Variants in UBASH3B observed in about 807,000 individuals in gnomAD.
UBASH3B encodes the protein ubiquitin associated and SH3 domain containing B.
In UBASH3B, 37 loss-of-function variants were observed where a neutral mutation model predicts 83.4. That is an observed-to-expected ratio of 0.44 (90% confidence interval 0.34 to 0.58). UBASH3B has a LOEUF of 0.58. Ranked by LOEUF, UBASH3B falls within the 20% of genes least tolerant of loss-of-function variation. UBASH3B has a pLI of 0.01. For missense variants in UBASH3B, 657 were observed against 827.2 expected (o/e 0.79, Z 2.52); for synonymous variants, 304 against 318.3 (o/e 0.96, Z 0.48).
intron 1 of UBASH3B, among the ~76,000 whole-genome samples, chr11:122,669,674 C>T (rs1022470891): frequency 1.1e-4 from 17 of 152,210 alleles, no homozygotes; most frequent in African/African-American, 3.4e-4. Flanking sequence ...CATAGCTAAC[C>T]TTCACTGGGT....
intron 5 of UBASH3B, among the ~76,000 whole-genome samples, chr11:122,787,397 G>A (rs191480040): frequency 6.6e-6 from 1 of 152,178 alleles, no homozygotes; most frequent in African/African-American, 2.4e-5. Context: ...AGATGCTGAA[G>A]TCAGAATTAG....
intron 1 of UBASH3B, among the ~76,000 whole-genome samples, chr11:122,667,275 G>A (rs1863532592): frequency 6.6e-6 from 1 of 151,848 alleles, no homozygotes; most frequent in Non-Finnish European, 1.5e-5. Flanking sequence ...TCAAACTCCT[G>A]ACCTCAGGTG....
chr11:122,657,358 C>A (rs1164241450), intron 1 of UBASH3B, among the ~76,000 whole-genome samples: 1 of 151,998 alleles, frequency 6.6e-6, no homozygotes, highest in Non-Finnish European at 1.5e-5. Flanking sequence ...TGCAGTGGCG[C>A]AATCTCTGTA....
rs571833671 is a variant in UBASH3B, at chr11:122,711,407, A to G, written c.161+55197A>G. Among the ~76,000 whole-genome samples the G allele has an allele frequency of 4.6e-5, 7 of 152,350 alleles. No individual in the cohort carries two copies. The East Asian group carries it at 1.4e-3, about 29-fold the overall frequency. On this transcript the variant is annotated intron_variant, in intron 1 of 13. Coordinates refer to ENST00000284273, the MANE Select transcript of UBASH3B (RefSeq NM_032873.5). Reference sequence around the variant, plus strand: ...ACGTGGGTCCCATCACAAGTCATCAATAACAAGATGGTCACCCCTGAGTCC... The same window carrying G: ...ACGTGGGTCCCATCACAAGTCATCAGTAACAAGATGGTCACCCCTGAGTCC...
rs190631143 is a variant in UBASH3B at position 122,751,280 on chromosome 11, C to T, written c.162-24939C>T. Reference sequence around the variant, plus strand: ...CCCTAAAATGTGAAATTCCAATTCTCTTGCACTGAGGAGTGTCTTCCCAGA... The same window carrying T: ...CCCTAAAATGTGAAATTCCAATTCTTTTGCACTGAGGAGTGTCTTCCCAGA... On this transcript the variant is annotated intron_variant, in intron 1 of 13. Transcript: ENST00000284273. Among the ~76,000 whole-genome samples, 7 of 152,328 alleles carry T rather than the reference C, an allele frequency of 4.6e-5. 1 individual carries two copies. Among genetic ancestry groups the T allele is most frequent in the Admixed American group, 3.3e-4 (5 of 15,306 alleles).
At position 122,655,923 on chromosome 11, in the gene UBASH3B, C is replaced by T. The variant is rs1052627478; in HGVS notation, c.-127C>T. 56 of 1,071,498 alleles carry T rather than the reference C, an allele frequency of 5.2e-5. No homozygotes were observed. The highest frequency in any genetic ancestry group is 8.4e-5 in the African/African-American group (5 of 59,806). 66.4% of individuals were successfully genotyped at this position (1,071,498 alleles called of 1,614,324 possible). On this transcript the variant is annotated 5_prime_UTR_variant, in exon 1 of 14. Transcript: ENST00000284273. ...ACTGGGGAAGCTCGGAGCGCCGCCT[C>T]CGCTGCCGCCGCCTCCTGCCTGGCT... is the stretch of plus-strand genomic sequence containing the variant.
intron 1 of UBASH3B, among the ~76,000 whole-genome samples, chr11:122,705,365 G>C (rs989689267): frequency 6.6e-6 from 1 of 151,190 alleles, no homozygotes; most frequent in African/African-American, 2.4e-5. Context: ...AGAATCGCTT[G>C]AACCTGGGAG....
At chr11:122,657,644 A>C (rs12421055) in intron 1 of UBASH3B, among the ~76,000 whole-genome samples, 32,026 of 152,074 alleles carry the variant, frequency 0.21, 3,714 homozygotes, top group Non-Finnish European at 0.26. Context: ...GTAATCTGTT[A>C]ATCAAAGTAG....
chr11:122,681,133 T>C (rs1863732996), intron 1 of UBASH3B, among the ~76,000 whole-genome samples: 1 of 152,260 alleles, frequency 6.6e-6, no homozygotes, highest in Non-Finnish European at 1.5e-5. Context: ...TGTTGAAACC[T>C]TGCTCTTTCA....
Position 122,806,296 on chromosome 11 carries a change from C to A in UBASH3B, c.1596-114C>A. 1 of 885,454 alleles carries A rather than the reference C, an allele frequency of 1.1e-6. No individual in the cohort carries two copies. The allele number at this position is 885,454 out of a possible 1,614,324, so 54.8% of individuals were successfully genotyped here. On this transcript the variant is annotated intron_variant, in intron 11 of 13. Transcript: ENST00000284273. The surrounding 1 kb of genome is among the most constrained non-coding windows in gnomAD (Gnocchi z 4.0). ...TCTCCTTTCTAGGGAAATGGATAAA[C>A]AAACAGATCTACGGGATCTTTAGAA...
intron 9 of UBASH3B, among the ~76,000 whole-genome samples, chr11:122,798,614 G>T (rs1440990154): frequency 6.6e-6 from 1 of 151,762 alleles, no homozygotes; most frequent in Non-Finnish European, 1.5e-5. Flanking sequence ...GGGAGGCTGA[G>T]GCAGGAGAAT....
intron 1 of UBASH3B, among the ~76,000 whole-genome samples, chr11:122,761,403 C>T (rs776393296): frequency 3.3e-5 from 5 of 152,170 alleles, no homozygotes; most frequent in African/African-American, 4.8e-5. Flanking sequence ...GCCAGGAGGT[C>T]GAGGCTGCAG....
At chr11:122,684,444 AGAG>A (rs1302148637) in intron 1 of UBASH3B, among the ~76,000 whole-genome samples, 1 of 152,234 alleles carries the variant, frequency 6.6e-6, no homozygotes, top group Non-Finnish European at 1.5e-5. Context: ...CAAGAGCTGC[AGAG>A]AAGAGTGTGT....
chr11:122,715,996 C>G (rs1860518928), intron 1 of UBASH3B, among the ~76,000 whole-genome samples: 1 of 152,240 alleles, frequency 6.6e-6, no homozygotes, highest in African/African-American at 2.4e-5. Context: ...TTCTTTGTCC[C>G]TGTTTCAGCT....
intron 1 of UBASH3B, among the ~76,000 whole-genome samples, chr11:122,753,028 A>C (rs901800640): frequency 1.3e-5 from 2 of 151,664 alleles, no homozygotes; most frequent in African/African-American, 4.9e-5. Context: ...CTCCCAATAC[A>C]TTCAGCTGCC....
rs2135884465 is a variant in UBASH3B at position 122,655,958 on chromosome 11, CGAG to C, written c.-91_-89del. The C allele has an allele frequency of 7.9e-7, 1 of 1,269,972 alleles. No individual in the cohort carries two copies. Among genetic ancestry groups the C allele is most frequent in the Non-Finnish European group, 1.0e-6 (1 of 977,064 alleles). 78.7% of individuals were successfully genotyped at this position (1,269,972 alleles called of 1,614,324 possible). ...CGCCTCCTGCCTGGCTCTGGGTCCC[CGAG>C]CCCCCTCCCCTGGCCCAGCCCGACT... is the stretch of plus-strand genomic sequence containing the variant. On this transcript the variant is annotated 5_prime_UTR_variant, in exon 1 of 14. Transcript: ENST00000284273.
rs766470283 is a variant in UBASH3B, at chr11:122,656,010, G to A, written c.-40G>A. 4 of 1,420,188 alleles carry A rather than the reference G, an allele frequency of 2.8e-6. No individual in the cohort carries two copies. Among genetic ancestry groups the A allele is most frequent in the African/African-American group, 3.0e-5 (2 of 66,344 alleles). 88.0% of individuals were successfully genotyped at this position (1,420,188 alleles called of 1,614,324 possible). ...CTCCCTCCTCCTTCCCGAACCATCC[G>A]GCTCGGGCTCCTTCCCTGGCGATGG... On this transcript the variant is annotated 5_prime_UTR_variant, in exon 1 of 14. Transcript: ENST00000284273.
chr11:122,691,212 C>T (rs982705424), intron 1 of UBASH3B, among the ~76,000 whole-genome samples: 15 of 152,204 alleles, frequency 9.9e-5, no homozygotes, highest in Admixed American at 6.5e-5. Flanking sequence ...GTGCCTTTGC[C>T]GGGCCTTTCC....
intron 1 of UBASH3B, among the ~76,000 whole-genome samples, chr11:122,730,343 G>A (rs1299467967): frequency 1.3e-5 from 2 of 152,014 alleles, no homozygotes; most frequent in African/African-American, 4.8e-5. Context: ...GGAGGTTCCC[G>A]CCTTTCCATG....
Sources: allele counts gnomAD v4.1 joint callset (sites outside exome capture counted in the v4.1 genomes callset), GRCh38; gene constraint gnomAD v4.1.1; non-coding constraint Gnocchi (gnomAD v3.1); transcripts MANE v1.5; gene names NCBI Gene and HGNC (gene_info 2026-07-23, HGNC 2026-07-21).